The following FOXJ2 variants were observed in gnomAD, a reference collection of about 807,000 sequenced individuals.
FOXJ2 encodes the protein forkhead box J2.
Under a neutral mutation model 68.4 loss-of-function variants are expected in FOXJ2, and 18 were observed. That is an observed-to-expected ratio of 0.26 (90% CI 0.18 to 0.39). FOXJ2 has a LOEUF of 0.39. FOXJ2 is among the 10% of genes least tolerant of loss of function. The pLI, the probability that FOXJ2 is intolerant of heterozygous loss-of-function variation, is 1.00. For missense variants in FOXJ2, 670 were observed against 726.5 expected (o/e 0.92, Z 0.89); for synonymous variants, 274 against 263.2 (o/e 1.04, Z -0.40).
At chr12:8,050,308 T>C in intron 9 of FOXJ2, 1 of 1,297,346 alleles carries the variant, frequency 7.7e-7, no homozygotes, top group Non-Finnish European at 9.7e-7. Flanking sequence ...CTTATATCTT[T>C]CCTATTTCAC....
chr12:8,049,264 G>A (rs1947081088), intron 8 of FOXJ2, 98 bp from the exon 9 acceptor site: 1 of 850,040 alleles, frequency 1.2e-6, no homozygotes, highest in Non-Finnish European at 1.9e-6. Flanking sequence ...TATCAGTGGG[G>A]GTGATTGATG....
At position 8,040,835 on chromosome 12, in the gene FOXJ2, C is replaced by T. The variant is rs1216844551; in HGVS notation, c.333+670C>T. ...CAAGGCATGGCATCACTCCTTCCTA[C>T]CTAGAGGTAGGAGTCTAATCTAGAG... On this transcript the variant is annotated intron_variant, in intron 2 of 10. Transcript: ENST00000162391. This position sits in a 1 kb window ranked among gnomAD's most constrained non-coding sequence, Gnocchi z 4.0. Among the ~76,000 whole-genome samples, 1 of 152,170 alleles carries T rather than the reference C, an allele frequency of 6.6e-6. No individual in the cohort carries two copies. The highest frequency in any genetic ancestry group is 1.5e-5 in the Non-Finnish European group (1 of 68,016).
chr12:8,045,055 T>A, intron 6 of FOXJ2, 97 bp downstream of exon 6: 1 of 1,279,012 alleles, frequency 7.8e-7, no homozygotes, highest in East Asian at 2.3e-5. Context: ...TTATTTTTAT[T>A]TTTTGTGAGA....
At chr12:8,039,007 T>A (rs1946932327) in intron 1 of FOXJ2, among the ~76,000 whole-genome samples, 1 of 152,094 alleles carries the variant, frequency 6.6e-6, no homozygotes, top group East Asian at 1.9e-4. Flanking sequence ...TGGGAGGTCC[T>A]TGTGGATGAC....
Position 8,043,778 on chromosome 12 carries a change from C to G in FOXJ2, c.477+9C>G. On this transcript the variant is annotated intron_variant, in intron 4 of 10. Coordinates refer to ENST00000162391, the MANE Select transcript of FOXJ2 (RefSeq NM_018416.3). The stretch of plus-strand genomic sequence containing the variant: ...ACCCTCCAGATGATGATGTAAGTTC[C>G]CAGCTCATGAGGAGATGCCATATCT... 1.2e-6 allele frequency: 2 copies of G among 1,614,166 alleles called. No homozygotes were observed. Among genetic ancestry groups the G allele is most frequent in the South Asian group, 2.2e-5 (2 of 91,084 alleles).
intron 1 of FOXJ2, among the ~76,000 whole-genome samples, chr12:8,039,250 T>G (rs1946934751): frequency 6.6e-6 from 1 of 152,028 alleles, no homozygotes; most frequent in Non-Finnish European, 1.5e-5. Flanking sequence ...ATGCCTCAGG[T>G]GCACATGTGT....
rs1191620966 is a variant in FOXJ2, at chr12:8,049,397, A to G, written c.1363A>G (p.Asn455Asp). 1 of 1,613,836 alleles carries G rather than the reference A, an allele frequency of 6.2e-7. No homozygotes were observed. Among genetic ancestry groups the G allele is most frequent in the African/African-American group, 1.3e-5 (1 of 74,932 alleles). The part of the protein sequence containing the change: ...MESLRQAEQK[N>D]WTLDQHHIAN... Reference sequence around the variant, plus strand: ...GAGTCTACGACAGGCAGAGCAGAAGAACTGGACCCTCGACCAGCATCACAT... The same window carrying G: ...GAGTCTACGACAGGCAGAGCAGAAGGACTGGACCCTCGACCAGCATCACAT... Residue 455 changes from asparagine to aspartate, a missense_variant, in exon 9 of 11, where the codon AAC becomes GAC. Asn to Asp is a conservative substitution (Grantham distance 23). Around this residue, in one of 2 missense-constraint regions of FOXJ2, gnomAD observed 555 missense variants for 562.2 expected, o/e 0.99. Coordinates refer to ENST00000162391, the MANE Select transcript of FOXJ2 (RefSeq NM_018416.3).
At position 8,049,342 on chromosome 12, in the gene FOXJ2, G is replaced by A. The variant is rs1565630812; in HGVS notation, c.1328-20G>A. 1 of 1,592,286 alleles carries A rather than the reference G, an allele frequency of 6.3e-7. No homozygotes were observed. The highest frequency in any genetic ancestry group is 1.7e-5 in the Admixed American group (1 of 59,094). On this transcript the variant is annotated intron_variant, in intron 8 of 10. Transcript: ENST00000162391. Reference sequence around the variant, plus strand: ...TTCCTACCTCTGCAAGGTTTGCATTGCTTGCTTCCCTCTTTGTAGAACTGA... The same window carrying A: ...TTCCTACCTCTGCAAGGTTTGCATTACTTGCTTCCCTCTTTGTAGAACTGA...
At position 8,032,793 on chromosome 12, in the gene FOXJ2, A is replaced by C. The variant is rs913534586; in HGVS notation, c.-1055A>C. 4 of 398,264 alleles carry C rather than the reference A, an allele frequency of 1.0e-5. No homozygotes were observed. Among genetic ancestry groups the C allele is most frequent in the Middle Eastern group, 1.2e-3 (2 of 1,610 alleles). 24.7% of individuals were successfully genotyped at this position (398,264 alleles called of 1,614,324 possible). A position where few individuals can be genotyped will look rare whatever the true frequency, so the allele number is the denominator to read the frequency against. The stretch of plus-strand genomic sequence containing the variant: ...CCGCCTTCTGGCTCCCCGGGAGCCC[A>C]GACTGGTCGGAGCCCGAGCGGTGGC... On this transcript the variant is annotated 5_prime_UTR_variant, in exon 1 of 11. Transcript: ENST00000162391. The surrounding 1 kb of genome is among the most constrained non-coding windows in gnomAD (Gnocchi z 4.8).
rs953736779 is a variant in FOXJ2, at chr12:8,035,661, C to G, written c.-15+1828C>G. Among the ~76,000 whole-genome samples, 2 of 152,154 alleles carry G rather than the reference C, an allele frequency of 1.3e-5. No individual in the cohort carries two copies. The highest frequency in any genetic ancestry group is 4.8e-5 in the African/African-American group (2 of 41,424). ...ATCACAACATCTCCAAGTACACCAC[C>G]GCCACGCAGTTTAACTGGCCCTGCT... On this transcript the variant is annotated intron_variant, in intron 1 of 10. Coordinates refer to ENST00000162391, the MANE Select transcript of FOXJ2 (RefSeq NM_018416.3). This position sits in a 1 kb window ranked among gnomAD's most constrained non-coding sequence, Gnocchi z 4.0.
chr12:8,049,236 G>A, intron 8 of FOXJ2, 126 bp from the exon 9 acceptor site: 1 of 714,686 alleles, frequency 1.4e-6, no homozygotes. Context: ...GATATAAATT[G>A]TTATTGTTAG....
rs751146434 is a variant in FOXJ2, at chr12:8,042,667, C to T, written c.343C>T (p.Arg115Trp). The change falls in exon 3 of 11, where the codon CGG becomes TGG. Residue 115 changes from arginine (R) to tryptophan (W), a missense_variant. Arg to Trp is a moderately radical substitution (Grantham distance 101). Transcript: ENST00000162391. ...NAGIGWKNSIRHNLSLNKCFR... is the reference protein window; with the variant it reads ...NAGIGWKNSIWHNLSLNKCFR... The stretch of plus-strand genomic sequence containing the variant: ...TTCTCTGCCTCTCCAGAATTCAATA[C>T]GGCACAACCTTTCTCTCAACAAGTG... 6.2e-7 allele frequency: 1 copy of T among 1,614,042 alleles called. No individual in the cohort carries two copies. Among genetic ancestry groups the T allele is most frequent in the Middle Eastern group, 1.7e-4 (1 of 6,060 alleles).
At chr12:8,041,882 T>C (rs1356230905) in intron 2 of FOXJ2, among the ~76,000 whole-genome samples, 5 of 151,356 alleles carry the variant, frequency 3.3e-5, no homozygotes, top group Non-Finnish European at 7.4e-5. Flanking sequence ...CACACACATT[T>C]TTTTTTTTTT....
chr12:8,034,466 G>A (rs1000118499), intron 1 of FOXJ2, among the ~76,000 whole-genome samples: 6 of 152,176 alleles, frequency 3.9e-5, no homozygotes, highest in African/African-American at 1.4e-4. Flanking sequence ...GGGAAAATGG[G>A]AATCCCACAT....
chr12:8,048,570 A>C (rs1947072231), intron 7 of FOXJ2, 127 bp from the exon 8 acceptor site: 1 of 1,188,978 alleles, frequency 8.4e-7, no homozygotes, highest in African/African-American at 1.5e-5. Flanking sequence ...GGAGAGTCCA[A>C]AACTTGGAAA....
At chr12:8,033,941 C>T (rs746623696) in intron 1 of FOXJ2, 108 bp downstream of exon 1, 1 of 152,204 alleles carries the variant, frequency 6.6e-6, no homozygotes, top group Non-Finnish European at 1.5e-5. Flanking sequence ...AGAGTGATGA[C>T]TCAGAAAATC....
In FOXJ2 at chr12:8,048,108, G is replaced by C. The variant is rs772107628; in HGVS notation, c.1044G>C (p.Gly348=). Residue 348 remains glycine (G), a synonymous_variant, in exon 7 of 11, where the codon GGG becomes GGC. Transcript: ENST00000162391. The stretch of plus-strand genomic sequence containing the variant: ...GCACAGATGGTTGTACCCCACCAGG[G>C]GGAAAGCAAGCTGGGGCGGAAGGCT... ...TPSTDGCTPP[G]GKQAGAEGYG... The C allele has an allele frequency of 1.4e-5, 22 of 1,612,816 alleles. No homozygotes were observed. The South Asian group carries it at 2.4e-4, about 18-fold the overall frequency.
Position 8,054,713 on chromosome 12 carries a change from T to TC in FOXJ2, c.*1866dup, listed in dbSNP as rs2120360144. 6.6e-6 allele frequency: 1 copy of TC among 152,666 alleles called. No individual in the cohort carries two copies. The highest frequency in any genetic ancestry group is 6.5e-5 in the Admixed American group (1 of 15,304). 9.5% of individuals were successfully genotyped at this position (152,666 alleles called of 1,614,324 possible). A position where few individuals can be genotyped will look rare whatever the true frequency, so the allele number is the denominator to read the frequency against. On this transcript the variant is annotated 3_prime_UTR_variant, in exon 11 of 11. Coordinates refer to ENST00000162391, the MANE Select transcript of FOXJ2 (RefSeq NM_018416.3). ...TGGGGTTGAAGTATGACATAATATTTCCCATTGGGGAAAGGAGAATTTCTC... is the reference window on the plus strand; with the variant it reads ...TGGGGTTGAAGTATGACATAATATTTCCCCATTGGGGAAAGGAGAATTTCTC...
Position 8,033,233 on chromosome 12 carries a change from ACT to A in FOXJ2, c.-611_-610del, listed in dbSNP as rs1290704770. ...CGCGCCCCCGCCCCTCCAAACACAC[ACT>A]CTCAACAGTTCAGGACTTTGGAGGC... On this transcript the variant is annotated 5_prime_UTR_variant, in exon 1 of 11. Coordinates refer to ENST00000162391, the MANE Select transcript of FOXJ2 (RefSeq NM_018416.3). 6.9e-5 allele frequency: 14 copies of A among 203,000 alleles called. No homozygotes were observed. The highest frequency in any genetic ancestry group is 1.4e-4 in the Non-Finnish European group (14 of 102,088). The allele number at this position is 203,000 out of a possible 1,614,324, so 12.6% of individuals were successfully genotyped here. A position where few individuals can be genotyped will look rare whatever the true frequency, so the allele number is the denominator to read the frequency against.
Sources: allele counts gnomAD v4.1 joint callset (sites outside exome capture counted in the v4.1 genomes callset), GRCh38; gene constraint gnomAD v4.1.1; regional missense constraint gnomAD v4.1.1; non-coding constraint Gnocchi (gnomAD v3.1); transcripts MANE v1.5; gene names NCBI Gene and HGNC (gene_info 2026-07-23, HGNC 2026-07-21).